The following TRIM37 variants were observed in gnomAD, a reference collection of about 807,000 sequenced individuals.
The protein encoded by TRIM37 is tripartite motif containing 37.
TRIM37 carries 80 observed loss-of-function variants against 129.8 expected under a neutral mutation model. The ratio of observed to expected loss-of-function variants is 0.62; its 90% confidence interval spans 0.51 to 0.74. The LOEUF (loss-of-function observed/expected upper bound fraction) is 0.74, where lower values mean the gene tolerates loss of function less well. TRIM37 is among the 30% of genes least tolerant of loss of function. The probability of loss-of-function intolerance (pLI) is 0.00; values close to 1 mark genes in which losing one functional copy is unlikely to be tolerated. For missense variants in TRIM37, 1,054 were observed against 1,176.5 expected (o/e 0.90, Z 1.52); for synonymous variants, 389 against 387.1 (o/e 1.00, Z -0.06).
At chr17:59,081,385 A>T (rs1281856089) in intron 5 of TRIM37, among the ~76,000 whole-genome samples, 166 bp from the exon 6 acceptor site, 1 of 152,224 alleles carries the variant, frequency 6.6e-6, no homozygotes, top group Non-Finnish European at 1.5e-5. Flanking sequence ...GCTTAAAATC[A>T]CTTGGTCCAA....
intron 24 of TRIM37, among the ~76,000 whole-genome samples, chr17:58,988,458 A>G (rs909842960): frequency 6.6e-6 from 1 of 152,162 alleles, no homozygotes; most frequent in East Asian, 1.9e-4. Flanking sequence ...TCACTGCAGC[A>G]GAGAGAAGGG....
At chr17:59,101,185 A>G (rs933979041) in intron 2 of TRIM37, among the ~76,000 whole-genome samples, 2 of 152,228 alleles carry the variant, frequency 1.3e-5, no homozygotes, top group African/African-American at 4.8e-5. Flanking sequence ...TAGTGCATTC[A>G]GGAACCAAGA....
In TRIM37 at chr17:59,008,621, C is replaced by T. The variant is rs138048870; in HGVS notation, c.2695+3707G>A. 1.6e-4 allele frequency among the ~76,000 whole-genome samples: 24 copies of T among 152,160 alleles called. No individual in the cohort carries two copies. The East Asian group carries it at 4.3e-3, about 27-fold the overall frequency. On this transcript the variant is annotated intron_variant, in intron 22 of 23. Coordinates refer to ENST00000262294, the MANE Select transcript of TRIM37 (RefSeq NM_015294.6). ...TGAAATTAAGTCCAAATCGGGCGGC[C>T]GGGTGTGGTGGCTCATGTCTGTAAC...
intron 19 of TRIM37, among the ~76,000 whole-genome samples, chr17:59,017,961 CCTT>C (rs1318285190): frequency 6.6e-6 from 1 of 151,996 alleles, no homozygotes; most frequent in Admixed American, 6.6e-5. Context: ...TCTGTGAGCT[CCTT>C]AAGAAAAATC....
chr17:59,041,048 G>A (rs539246564), intron 17 of TRIM37, among the ~76,000 whole-genome samples: 45 of 150,920 alleles, frequency 3.0e-4, no homozygotes, highest in Non-Finnish European at 4.4e-4. Flanking sequence ...GCGAGACTCC[G>A]TCTCAAAAAA....
At chr17:58,976,940 G>A in the TRIM37 span, among the ~76,000 whole-genome samples, 1 of 152,076 alleles carries the variant, frequency 6.6e-6, no homozygotes, top group East Asian at 1.9e-4. Flanking sequence ...ATAGGGGATG[G>A]GAACTTTAGT....
At chr17:59,065,058 C>T (rs1757171687) in intron 9 of TRIM37, among the ~76,000 whole-genome samples, 1 of 151,578 alleles carries the variant, frequency 6.6e-6, no homozygotes. Flanking sequence ...CTCAGTCAAC[C>T]AATAAATCAA....
chr17:59,033,544 T>C (rs1460269940), intron 17 of TRIM37, among the ~76,000 whole-genome samples: 1 of 152,050 alleles, frequency 6.6e-6, no homozygotes, highest in Non-Finnish European at 1.5e-5. Flanking sequence ...GCGATTCTCC[T>C]GCCTCAGCCT....
At chr17:58,977,765 CAG>C (rs1455215980), downstream of TRIM37, among the ~76,000 whole-genome samples, 1 of 152,006 alleles carries the variant, frequency 6.6e-6, no homozygotes, top group Non-Finnish European at 1.5e-5. Context: ...TTTTTTGAGA[CAG>C]AGTCTCCCTC....
In TRIM37 at chr17:58,999,413, A is replaced by C. The variant is rs777387711; in HGVS notation, c.2859T>G (p.Asp953Glu). The C allele has an allele frequency of 2.5e-6, 4 of 1,613,926 alleles. No homozygotes were observed. The highest frequency in any genetic ancestry group is 2.2e-5 in the South Asian group (2 of 91,078). Residue 953 changes from aspartate to glutamate, a missense_variant, in exon 24 of 24, where the codon GAT becomes GAG. Coordinates refer to ENST00000262294, the MANE Select transcript of TRIM37 (RefSeq NM_015294.6). ...TATTTTCATCTGTATTGAAGCTGAG[A>C]TCTTCAGGGCCTATTTGTTCACCAT... ...FPDGEQIGPE[D>E]LSFNTDENSG... is the part of the protein sequence containing the mutation.
chr17:59,041,876 A>ATTCCACATCATTTTCTCCAGAC lies in TRIM37; in HGVS notation c.1668_1689dup (p.Tyr564ValfsTer5), dbSNP rs1329841882. 1 of 1,613,510 alleles carries ATTCCACATCATTTTCTCCAGAC rather than the reference A, an allele frequency of 6.2e-7. No individual in the cohort carries two copies. On this transcript the variant is annotated stop_gained and frameshift_variant, in exon 17 of 24. Transcript: ENST00000262294. LOFTEE classifies it high-confidence loss of function. ...CCCTCTTCTAATTCCATGTTGTTAT[A>ATTCCACATCATTTTCTCCAGAC]TTCCACATCATTTTCTCCAGACCTA... is the stretch of plus-strand genomic sequence containing the variant.
rs1392036604 is a variant in TRIM37, at chr17:59,088,504, A to T, written c.165-97T>A. 14 of 797,188 alleles carry T rather than the reference A, an allele frequency of 1.8e-5. No individual in the cohort carries two copies. The East Asian group carries it at 3.7e-4, about 21-fold the overall frequency. The allele number at this position is 797,188 out of a possible 1,614,324, so 49.4% of individuals were successfully genotyped here. A position where few individuals can be genotyped will look rare whatever the true frequency, so the allele number is the denominator to read the frequency against. On this transcript the variant is annotated intron_variant, in intron 3 of 23. Coordinates refer to ENST00000262294, the MANE Select transcript of TRIM37 (RefSeq NM_015294.6). ...CAAAATAGAGAGCACAATAATACTC[A>T]TACCATAACACTATTTTTTTTTTTT...
At chr17:58,992,974 T>C (rs1468830792) in intron 24 of TRIM37, among the ~76,000 whole-genome samples, 2 of 152,190 alleles carry the variant, frequency 1.3e-5, no homozygotes, top group Admixed American at 6.5e-5. Context: ...CCTAGGCATA[T>C]ATGGTTTGGC....
At chr17:59,100,053 C>T (rs1280492159) in intron 2 of TRIM37, among the ~76,000 whole-genome samples, 2 of 152,116 alleles carry the variant, frequency 1.3e-5, no homozygotes, top group Non-Finnish European at 1.5e-5. Flanking sequence ...CCATCCACTT[C>T]GGCCTCCCAA....
At chr17:59,003,447 G>A (rs1242157862) in intron 22 of TRIM37, among the ~76,000 whole-genome samples, 1 of 152,076 alleles carries the variant, frequency 6.6e-6, no homozygotes, top group African/African-American at 2.4e-5. Context: ...GAAGGTTCTA[G>A]GTACAATGGA....
chr17:59,008,711 C>A (rs2034862479), intron 22 of TRIM37, among the ~76,000 whole-genome samples: 1 of 152,114 alleles, frequency 6.6e-6, no homozygotes. Context: ...CCAGTCTGAG[C>A]ATACAGCAAG....
chr17:59,096,549 C>CAAA (rs11463387), intron 2 of TRIM37, among the ~76,000 whole-genome samples: 18 of 90,742 alleles, frequency 2.0e-4, no homozygotes, highest in African/African-American at 5.2e-4. Context: ...GACTCTGTCT[C>CAAA]AAAAAAAAAA....
chr17:59,020,029 G>A (rs2158966), intron 19 of TRIM37, among the ~76,000 whole-genome samples: 52,673 of 151,312 alleles, frequency 0.35, 9,795 homozygotes, highest in East Asian at 0.53. Context: ...TCAGGAGTTC[G>A]AGACCAGCCT....
chr17:59,103,974 G>A (rs142092644), intron 2 of TRIM37, among the ~76,000 whole-genome samples: 1 of 152,206 alleles, frequency 6.6e-6, no homozygotes, highest in East Asian at 1.9e-4. Context: ...GTAATTGTAA[G>A]ATTAAACACT....
Sources: allele counts gnomAD v4.1 joint callset (sites outside exome capture counted in the v4.1 genomes callset), GRCh38; gene constraint gnomAD v4.1.1; transcripts MANE v1.5; gene names NCBI Gene and HGNC (gene_info 2026-07-23, HGNC 2026-07-21).